Variants in WDR62 observed in about 807,000 individuals in gnomAD.
WDR62 encodes the protein WD repeat-containing protein 62.
Under a neutral mutation model 160.6 loss-of-function variants are expected in WDR62, and 112 were observed. The ratio of observed to expected loss-of-function variants is 0.70; its 90% CI spans 0.60 to 0.82. WDR62 has a LOEUF of 0.82. Among genes scored for constraint, WDR62 ranks in the 40% least tolerant of loss-of-function variants. The pLI is 0.00. For synonymous variants in WDR62, 792 were observed against 815.1 expected (o/e 0.97, Z 0.48); for missense variants, 1,819 against 1,983.8 (o/e 0.92, Z 1.58).
Position 36,054,956 on chromosome 19 carries a change from C to T in WDR62, c.-16C>T, listed in dbSNP as rs1040732366. On this transcript the variant is annotated 5_prime_UTR_variant, in exon 1 of 32. Transcript: ENST00000401500. ...GCGGTTAGGGGATGTAACGGTCGCC[C>T]GCCTCCGGCGTGACGATGGCGGCCG... 5.2e-5 allele frequency: 82 copies of T among 1,578,278 alleles called. No individual in the cohort carries two copies. The highest frequency in any genetic ancestry group is 6.6e-5 in the Non-Finnish European group (77 of 1,163,366).
intron 8 of WDR62, 125 bp from the exon 9 acceptor site, chr19:36,073,217 G>A (rs941962996): frequency 1.1e-6 from 1 of 901,800 alleles, no homozygotes; most frequent in Non-Finnish European, 1.8e-6. Flanking sequence ...TGGAGCAGGA[G>A]AGATGGATGG....
In WDR62 at chr19:36,090,285, A is replaced by G. The variant is rs184263952; in HGVS notation, c.1959-160A>G. On this transcript the variant is annotated intron_variant, in intron 15 of 31. Coordinates refer to ENST00000401500, the MANE Select transcript of WDR62 (RefSeq NM_001083961.2). ...ATTAACTCAGTGGATACCCCAGGAC[A>G]ACCTCAGCTTGAGATGGGGTTTCAG... Among the ~76,000 whole-genome samples, 25 of 152,324 alleles carry G rather than the reference A, an allele frequency of 1.6e-4. No homozygotes were observed. The East Asian group carries it at 4.8e-3, about 29-fold the overall frequency.
At chr19:36,100,635 CA>C (rs1441750830) in intron 22 of WDR62, 112 bp from the exon 23 acceptor site, 1 of 1,511,316 alleles carries the variant, frequency 6.6e-7, no homozygotes, top group Non-Finnish European at 9.1e-7. Flanking sequence ...GAGGGCATGG[CA>C]CAGGCCCTGG....
intron 12 of WDR62, among the ~76,000 whole-genome samples, chr19:36,085,362 C>T (rs1047237081): frequency 2.0e-5 from 3 of 150,604 alleles, no homozygotes; most frequent in African/African-American, 7.3e-5. Flanking sequence ...GTGATCCGCC[C>T]GCCTTGGCCT....
intron 24 of WDR62, 87 bp downstream of exon 24, chr19:36,101,404 T>G: frequency 8.3e-7 from 1 of 1,199,984 alleles, no homozygotes; most frequent in Non-Finnish European, 1.2e-6. Context: ...TTTGACCCAG[T>G]ACTGAAGCTC....
rs1011786347 is a variant in WDR62 at position 36,073,345 on chromosome 19, C to T, written c.1047C>T (p.Phe349=). The part of the protein sequence containing the change: ...VDVAQGLEPS[F]LFHRKAEAVY... ...ATTACCCATGTGGCCTTGTTAGCTT[C>T]CTCTTCCACAGGAAGGCGGAAGCAG... Residue 349 remains phenylalanine, a synonymous_variant, in exon 9 of 32, where the codon TTC becomes TTT. Transcript: ENST00000401500. 1.2e-6 allele frequency: 2 copies of T among 1,614,146 alleles called. No homozygotes were observed. Among genetic ancestry groups the T allele is most frequent in the Admixed American group, 3.3e-5 (2 of 60,024 alleles).
intron 10 of WDR62, 179 bp downstream of exon 10, chr19:36,081,749 C>T (rs1355537758): frequency 2.5e-6 from 2 of 795,480 alleles, no homozygotes; most frequent in African/African-American, 1.7e-5. Flanking sequence ...TTCTCCTGCC[C>T]CCTCTCTGAG....
Position 36,103,827 on chromosome 19 carries a change from A to G in WDR62, c.3999A>G (p.Glu1333=). 1 of 1,606,794 alleles carries G rather than the reference A, an allele frequency of 6.2e-7. No homozygotes were observed. Among genetic ancestry groups the G allele is most frequent in the Non-Finnish European group, 8.5e-7 (1 of 1,179,410 alleles). ...AVSFPAPSPV[E]ESALRLHGSA... ...GCTTCCCAGCCCCTAGCCCTGTGGA[A>G]GAGAGCGCCCTGAGGCTCCACGGCT... The change falls in exon 30 of 32, where the codon GAA becomes GAG. Residue 1333 remains glutamate (E), a synonymous_variant. Transcript: ENST00000401500.
intron 20 of WDR62, 147 bp from the exon 21 acceptor site, chr19:36,096,880 T>G (rs1972999557): frequency 1.3e-6 from 1 of 751,804 alleles, no homozygotes; most frequent in African/African-American, 1.7e-5. Flanking sequence ...ATCCCACGGT[T>G]TAAGTTTGCA....
At chr19:36,083,014 A>C (rs1021370170) in intron 10 of WDR62, 49 bp from the exon 11 acceptor site, 1 of 1,561,292 alleles carries the variant, frequency 6.4e-7, no homozygotes, top group African/African-American at 1.4e-5. Flanking sequence ...ACGATTTCAG[A>C]GGTGCTTCTG....
intron 10 of WDR62, among the ~76,000 whole-genome samples, chr19:36,082,688 A>T (rs1040641051): frequency 2.6e-5 from 4 of 152,136 alleles, no homozygotes; most frequent in Non-Finnish European, 5.9e-5. Context: ...ACCAGTTTAG[A>T]CCGTTCTGCA....
At chr19:36,059,647 C>A (rs1970542616) in intron 2 of WDR62, among the ~76,000 whole-genome samples, 1 of 152,100 alleles carries the variant, frequency 6.6e-6, no homozygotes, top group African/African-American at 2.4e-5. Flanking sequence ...GTCGCCCAGG[C>A]TGGTCTAAAA....
intron 5 of WDR62, among the ~76,000 whole-genome samples, chr19:36,066,889 C>T (rs114382650): frequency 0.01 from 1,598 of 152,254 alleles, 12 homozygotes; most frequent in South Asian, 0.041. Flanking sequence ...TGGGGAGAAG[C>T]GCCTCCCTCG....
intron 22 of WDR62, among the ~76,000 whole-genome samples, chr19:36,100,213 T>G (rs1973241387): frequency 6.6e-6 from 1 of 152,180 alleles, no homozygotes; most frequent in Non-Finnish European, 1.5e-5. Flanking sequence ...CTCTTAGAGG[T>G]GCCCGTGCAA....
At chr19:36,105,612 T>C (rs576509861), downstream of WDR62, among the ~76,000 whole-genome samples, 10 of 152,242 alleles carry the variant, frequency 6.6e-5, no homozygotes, top group Admixed American at 4.6e-4. Context: ...CTCAGGAGGC[T>C]GAGGTGGGAG....
chr19:36,110,913 C>T, the WDR62 span, among the ~76,000 whole-genome samples: 1 of 152,086 alleles, frequency 6.6e-6, no homozygotes, highest in African/African-American at 2.4e-5. Context: ...TCCTCAAAAG[C>T]TCCCCAGGCC....
At chr19:36,061,831 G>A (rs1404251183) in intron 3 of WDR62, 1 of 152,186 alleles carries the variant, frequency 6.6e-6, no homozygotes, top group Non-Finnish European at 1.5e-5. Context: ...GATGAAACTT[G>A]GGCATTGGCA....
intron 8 of WDR62, 99 bp from the exon 9 acceptor site, chr19:36,073,243 G>C: frequency 9.1e-7 from 1 of 1,102,134 alleles, no homozygotes; most frequent in Non-Finnish European, 1.4e-6. Flanking sequence ...AATACCATGA[G>C]GGATGGCATT....
At chr19:36,110,169 G>C in the WDR62 span, among the ~76,000 whole-genome samples, 1 of 151,202 alleles carries the variant, frequency 6.6e-6, no homozygotes, top group Admixed American at 6.6e-5. Flanking sequence ...GCCCCTGGCT[G>C]TGTCAAGAGA....
Sources: gnomAD v4.1 joint callset for allele counts (sites outside exome capture counted in the v4.1 genomes callset) on GRCh38, gnomAD v4.1.1 for gene constraint, MANE v1.5 for transcripts, NCBI Gene and HGNC (gene_info 2026-07-23, HGNC 2026-07-21) for gene names.